DCP1A: variants seen among roughly 807,000 people sequenced by gnomAD.
DCP1A encodes mRNA-decapping enzyme 1A.
A neutral mutation model predicts 58.0 loss-of-function variants in DCP1A; 20 were observed. The ratio of observed to expected loss-of-function variants is 0.34; its 90% CI spans 0.24 to 0.50. The LOEUF is 0.50. Among genes scored for constraint, DCP1A ranks in the 20% least tolerant of loss-of-function variants. The pLI, the probability that DCP1A is intolerant of heterozygous loss-of-function variation, is 0.98. For synonymous variants in DCP1A, 285 were observed against 275.1 expected (o/e 1.04, Z -0.36); for missense variants, 613 against 712.2 (o/e 0.86, Z 1.59).
intron 3 of DCP1A, among the ~76,000 whole-genome samples, chr3:53,336,849 T>G (rs549899006): frequency 2.9e-3 from 148 of 51,214 alleles, no homozygotes; most frequent in African/African-American, 5.8e-3. Flanking sequence ...AGCCCAGATT[T>G]ATTTATTTAT....
At position 53,316,596 on chromosome 3, in the gene DCP1A, CTTTTTT is replaced by C. The variant is rs11351636; in HGVS notation, c.371+2805_371+2810del. Among the ~76,000 whole-genome samples, 617 of 112,300 alleles carry C rather than the reference CTTTTTT, an allele frequency of 5.5e-3. 4 individuals carry two copies. The highest frequency in any genetic ancestry group is 0.02 in the African/African-American group (554 of 28,366). 73.7% of individuals were successfully genotyped at this position (112,300 alleles called of 152,430 possible). On this transcript the variant is annotated intron_variant, in intron 4 of 9. Coordinates refer to ENST00000610213, the MANE Select transcript of DCP1A (RefSeq NM_018403.7). Reference sequence around the variant, plus strand: ...TCTAATCACTTTCTTTTCTTCTTCCCTTTTTTTTTTTTTTTTTTTTTTAATTAAACA... The same window carrying C: ...TCTAATCACTTTCTTTTCTTCTTCCCTTTTTTTTTTTTTTTTAATTAAACA...
intron 6 of DCP1A, among the ~76,000 whole-genome samples, chr3:53,300,752 A>T (rs1707287145): frequency 6.6e-6 from 1 of 151,780 alleles, no homozygotes; most frequent in African/African-American, 2.4e-5. Flanking sequence ...GTTTCAAGTG[A>T]TCCTCCCACT....
chr3:53,340,425 C>CTA, intron 3 of DCP1A, among the ~76,000 whole-genome samples: 1 of 152,276 alleles, frequency 6.6e-6, no homozygotes, highest in South Asian at 2.1e-4. Context: ...GAACCTATTT[C>CTA]ACTTATACTT....
rs185458279 is a variant in DCP1A at position 53,328,772 on chromosome 3, C to T, written c.305-9299G>A. ...AACAGTGTCACTGAGTCAGACTCAG[C>T]CACTGAGCCTTAAGTCCCTCTATGT... is the stretch of plus-strand genomic sequence containing the variant. On this transcript the variant is annotated intron_variant, in intron 3 of 9. Transcript: ENST00000610213. 1.6e-4 allele frequency among the ~76,000 whole-genome samples: 24 copies of T among 152,332 alleles called. No individual in the cohort carries two copies. The South Asian group carries it at 5.0e-3, about 32-fold the overall frequency.
chr3:53,336,194 C>T (rs2089112949), intron 3 of DCP1A, among the ~76,000 whole-genome samples: 1 of 152,212 alleles, frequency 6.6e-6, no homozygotes, highest in East Asian at 1.9e-4. Context: ...ACCTCTGCCT[C>T]CCGGGTTCAA....
At chr3:53,336,209 T>A (rs1016300925) in intron 3 of DCP1A, among the ~76,000 whole-genome samples, 2 of 152,200 alleles carry the variant, frequency 1.3e-5, no homozygotes, top group Admixed American at 1.3e-4. Flanking sequence ...GTTCAAACGA[T>A]TCTTCTGACT....
chr3:53,347,313 G>A (rs2089304280), intron 1 of DCP1A, 70 bp downstream of exon 1: 1 of 1,424,264 alleles, frequency 7.0e-7, no homozygotes, highest in African/African-American at 1.5e-5. Context: ...CCACCCCACA[G>A]TAACCCGCGC....
chr3:53,303,530 T>C (rs558498762), intron 6 of DCP1A, among the ~76,000 whole-genome samples: 1 of 152,190 alleles, frequency 6.6e-6, no homozygotes, highest in African/African-American at 2.4e-5. Flanking sequence ...CCTTCCAAAG[T>C]GCTGGCGTTA....
At chr3:53,325,391 A>C (rs1477227287) in intron 3 of DCP1A, among the ~76,000 whole-genome samples, 1 of 152,202 alleles carries the variant, frequency 6.6e-6, no homozygotes, top group East Asian at 1.9e-4. Flanking sequence ...AGATTTTCTC[A>C]GTATGGTGCC....
At chr3:53,321,083 C>T (rs1453628352) in intron 3 of DCP1A, among the ~76,000 whole-genome samples, 2 of 152,238 alleles carry the variant, frequency 1.3e-5, no homozygotes, top group African/African-American at 2.4e-5. Flanking sequence ...AATGAGCCTA[C>T]CCGGGCCACC....
chr3:53,326,296 C>T (rs1473925465), intron 3 of DCP1A, among the ~76,000 whole-genome samples: 1 of 152,162 alleles, frequency 6.6e-6, no homozygotes, highest in African/African-American at 2.4e-5. Flanking sequence ...CTGATTACTC[C>T]CACTTGCAAA....
intron 3 of DCP1A, among the ~76,000 whole-genome samples, chr3:53,322,970 G>A (rs571264115): frequency 5.3e-5 from 8 of 151,990 alleles, no homozygotes; most frequent in African/African-American, 9.7e-5. Flanking sequence ...GATTACAGGC[G>A]CCCGTCACCA....
chr3:53,318,732 T>C (rs1260838998), intron 4 of DCP1A, among the ~76,000 whole-genome samples: 2 of 152,206 alleles, frequency 1.3e-5, no homozygotes, highest in African/African-American at 4.8e-5. Context: ...AATTTCAAGG[T>C]TCTGAGTCAC....
intron 3 of DCP1A, among the ~76,000 whole-genome samples, chr3:53,326,494 G>A (rs550956065): frequency 6.6e-6 from 1 of 152,318 alleles, no homozygotes; most frequent in Admixed American, 6.5e-5. Flanking sequence ...ACTGGTCTGT[G>A]GCCTGTTAGG....
At chr3:53,346,795 G>C (rs1429364377) in intron 1 of DCP1A, among the ~76,000 whole-genome samples, 2 of 152,096 alleles carry the variant, frequency 1.3e-5, no homozygotes. Flanking sequence ...AGTGAACACG[G>C]AAGCCCTTTT....
intron 3 of DCP1A, among the ~76,000 whole-genome samples, chr3:53,328,203 G>A (rs2106870002): frequency 6.6e-6 from 1 of 152,256 alleles, no homozygotes; most frequent in South Asian, 2.1e-4. Flanking sequence ...GACCTGCCTG[G>A]ATCCTCCAGC....
chr3:53,305,919 CA>C (rs1413476733), intron 5 of DCP1A, among the ~76,000 whole-genome samples: 2 of 152,046 alleles, frequency 1.3e-5, no homozygotes, highest in East Asian at 3.9e-4. Context: ...AAAAAATGAT[CA>C]GACCAATAGA....
chr3:53,293,219 C>T (rs1020346723), intron 6 of DCP1A, among the ~76,000 whole-genome samples: 2 of 152,066 alleles, frequency 1.3e-5, no homozygotes, highest in South Asian at 2.1e-4. Context: ...CTCAATGAAA[C>T]GCTAGGCACT....
intron 5 of DCP1A, among the ~76,000 whole-genome samples, chr3:53,306,631 CGTG>C (rs1329556216): frequency 5.3e-5 from 8 of 151,636 alleles, no homozygotes; most frequent in African/African-American, 2.4e-5. Flanking sequence ...ATTAGCCAGG[CGTG>C]GTGGTGGGCG....
Sources: gnomAD v4.1 joint callset for allele counts (sites outside exome capture counted in the v4.1 genomes callset) on GRCh38, gnomAD v4.1.1 for gene constraint, MANE v1.5 for transcripts, NCBI Gene and HGNC (gene_info 2026-07-23, HGNC 2026-07-21) for gene names.